The following HSF2BP variants were observed in gnomAD, a reference collection of about 807,000 sequenced individuals.
The protein encoded by HSF2BP is heat shock factor 2-binding protein.
Under a neutral mutation model 35.0 loss-of-function variants are expected in HSF2BP, and 35 were observed. That is an observed-to-expected ratio of 1.00 (90% CI 0.76 to 1.32). The LOEUF is 1.32. HSF2BP is among the 40% of genes most tolerant of loss of function. The probability of loss-of-function intolerance (pLI) is 0.00; values close to 1 mark genes in which losing one functional copy is unlikely to be tolerated. For synonymous variants in HSF2BP, 114 were observed against 117.4 expected, an observed-to-expected ratio of 0.97 and a Z score of 0.18; for missense variants, 326 against 321.7, an observed-to-expected ratio of 1.01 and a Z score of -0.10.
At chr21:43,658,675 T>G (rs17004598) in intron 1 of HSF2BP, among the ~76,000 whole-genome samples, 6,929 of 152,302 alleles carry the variant, frequency 0.045, 277 homozygotes, top group East Asian at 0.093. Flanking sequence ...AACCCAAAGC[T>G]AAGATTTCTT....
chr21:43,591,170 TATG>T (rs1341713586), intron 8 of HSF2BP, among the ~76,000 whole-genome samples: 1 of 152,176 alleles, frequency 6.6e-6, no homozygotes, highest in Non-Finnish European at 1.5e-5. Flanking sequence ...TGTTAAAAAT[TATG>T]ATGAAATTGG....
intron 1 of HSF2BP, among the ~76,000 whole-genome samples, chr21:43,658,527 C>A (rs1179255044): frequency 6.6e-6 from 1 of 152,218 alleles, no homozygotes; most frequent in South Asian, 2.1e-4. Flanking sequence ...TGTCAACAGG[C>A]ACCTCGGGAG....
At chr21:43,653,501 T>G (rs1274775348) in intron 3 of HSF2BP, among the ~76,000 whole-genome samples, 3 of 152,160 alleles carry the variant, frequency 2.0e-5, no homozygotes, top group African/African-American at 7.2e-5. Flanking sequence ...CAAAGGAAGA[T>G]TGATCATGTC....
chr21:43,646,002 G>A (rs1444510339), intron 3 of HSF2BP, among the ~76,000 whole-genome samples: 1 of 151,960 alleles, frequency 6.6e-6, no homozygotes, highest in Non-Finnish European at 1.5e-5. Flanking sequence ...AAAATTGGCT[G>A]GCAAAGCTTC....
intron 8 of HSF2BP, among the ~76,000 whole-genome samples, chr21:43,588,863 C>A (rs2081890959): frequency 6.6e-6 from 1 of 152,120 alleles, no homozygotes; most frequent in African/African-American, 2.4e-5. Context: ...AAGTATCCAA[C>A]CCTGGTGGGT....
Position 43,644,280 on chromosome 21 carries a change from G to A in HSF2BP, c.291+9C>T, listed in dbSNP as rs1441318307. 6.2e-7 allele frequency: 1 copy of A among 1,607,684 alleles called. No individual in the cohort carries two copies. Among genetic ancestry groups the A allele is most frequent in the South Asian group, 1.1e-5 (1 of 90,952 alleles). On this transcript the variant is annotated intron_variant, in intron 4 of 8. Coordinates refer to ENST00000291560, the MANE Select transcript of HSF2BP (RefSeq NM_007031.2). ...TGGCTTGGTGAGAGTCTGTCCCTGA[G>A]CATGGTACCTTCTTCTCTCTTATGT...
rs752606507 is a variant in HSF2BP, at chr21:43,644,288, CCTT to C, written c.289_291del (p.Lys97del). 1.8e-5 allele frequency: 29 copies of C among 1,611,930 alleles called. No individual in the cohort carries two copies. Among genetic ancestry groups the C allele is most frequent in the African/African-American group, 1.1e-4 (8 of 74,874 alleles). On this transcript the variant is annotated inframe_deletion and splice_region_variant, in exon 4 of 9. Coordinates refer to ENST00000291560, the MANE Select transcript of HSF2BP (RefSeq NM_007031.2). ...TGAGAGTCTGTCCCTGAGCATGGTA[CCTT>C]CTTCTCTCTTATGTTGTCGGCCTGC... is the stretch of plus-strand genomic sequence containing the variant.
At chr21:43,622,641 C>T (rs752557669) in intron 6 of HSF2BP, among the ~76,000 whole-genome samples, 2 of 152,162 alleles carry the variant, frequency 1.3e-5, no homozygotes, top group African/African-American at 2.4e-5. Context: ...AATATCTATG[C>T]ACCCAACACA....
chr21:43,581,229 A>C (rs565006151), intron 8 of HSF2BP, among the ~76,000 whole-genome samples: 1 of 152,250 alleles, frequency 6.6e-6, no homozygotes, highest in Admixed American at 6.5e-5. Context: ...TACTAAAAAT[A>C]CGAAAAATTA....
chr21:43,632,701 G>A (rs919789451), intron 5 of HSF2BP, among the ~76,000 whole-genome samples: 1 of 152,112 alleles, frequency 6.6e-6, no homozygotes, highest in Non-Finnish European at 1.5e-5. Context: ...AGATGATGAG[G>A]GGGAAGACCT....
intron 7 of HSF2BP, among the ~76,000 whole-genome samples, chr21:43,607,536 A>G (rs1346341784): frequency 6.6e-6 from 1 of 152,244 alleles, no homozygotes; most frequent in African/African-American, 2.4e-5. Context: ...CAATCTACAG[A>G]TTCAATGCTA....
intron 7 of HSF2BP, among the ~76,000 whole-genome samples, chr21:43,610,425 C>CA (rs1285377666): frequency 4.2e-5 from 4 of 94,900 alleles, no homozygotes; most frequent in African/African-American, 1.2e-4. Context: ...CCTGTCTCTA[C>CA]AAAAAATACC....
chr21:43,619,309 C>G (rs2082306444), intron 6 of HSF2BP, among the ~76,000 whole-genome samples: 1 of 152,120 alleles, frequency 6.6e-6, no homozygotes, highest in Non-Finnish European at 1.5e-5. Flanking sequence ...ATTACAAATA[C>G]CTCTTACAAC....
chr21:43,604,535 A>C (rs1011163065), intron 7 of HSF2BP, among the ~76,000 whole-genome samples: 4 of 146,496 alleles, frequency 2.7e-5, no homozygotes, highest in Non-Finnish European at 4.5e-5. Flanking sequence ...CACACACACC[A>C]CACACACCAT....
chr21:43,596,555 G>A (rs2081989534), intron 7 of HSF2BP, among the ~76,000 whole-genome samples: 2 of 152,134 alleles, frequency 1.3e-5, no homozygotes, highest in Admixed American at 1.3e-4. Flanking sequence ...GCCAAAGGCA[G>A]GCAGAAACTG....
intron 6 of HSF2BP, among the ~76,000 whole-genome samples, chr21:43,621,409 C>T (rs1308369110): frequency 6.6e-6 from 1 of 152,012 alleles, no homozygotes; most frequent in African/African-American, 2.4e-5. Context: ...TGCCTGTGGT[C>T]TCAGCTACTC....
At position 43,650,294 on chromosome 21, in the gene HSF2BP, C is replaced by T. The variant is rs1291825168; in HGVS notation, c.188-5902G>A. ...CGATCTCGGCTCACTGCAAGCTCCG[C>T]CTCTGGGGTTCACACCATTCTCCTG... is the stretch of plus-strand genomic sequence containing the variant. On this transcript the variant is annotated intron_variant, in intron 3 of 8. Transcript: ENST00000291560. Among the ~76,000 whole-genome samples the T allele has an allele frequency of 2.0e-5, 3 of 152,088 alleles. No individual in the cohort carries two copies. The East Asian group carries it at 5.8e-4, about 29-fold the overall frequency.
the HSF2BP span, among the ~76,000 whole-genome samples, chr21:43,507,094 G>A: frequency 2.3e-5 from 3 of 127,820 alleles, 1 homozygote. Flanking sequence ...GGTCTCCACT[G>A]CTGAGACAGC....
At chr21:43,638,242 G>A (rs2082591166) in intron 4 of HSF2BP, among the ~76,000 whole-genome samples, 1 of 152,132 alleles carries the variant, frequency 6.6e-6, no homozygotes. Context: ...CGGATCACTT[G>A]AGGTCAGGAA....
Sources: allele counts gnomAD v4.1 joint callset (sites outside exome capture counted in the v4.1 genomes callset), GRCh38; gene constraint gnomAD v4.1.1; transcripts MANE v1.5; gene names NCBI Gene and HGNC (gene_info 2026-07-23, HGNC 2026-07-21).